The following TRPM2 variants were observed in gnomAD, a reference collection of about 807,000 sequenced individuals.
TRPM2 encodes the protein estrogen-responsive element-associated gene 1 protein.
A neutral mutation model predicts 174.0 loss-of-function variants in TRPM2; 161 were observed. That is an observed-to-expected ratio of 0.93 (90% confidence interval 0.81 to 1.05). The LOEUF (loss-of-function observed/expected upper bound fraction) is 1.05, where lower values mean the gene tolerates loss of function less well. TRPM2 is among the 50% of genes least tolerant of loss of function. The probability of loss-of-function intolerance (pLI) is 0.00; values close to 1 mark genes in which losing one functional copy is unlikely to be tolerated. For missense variants in TRPM2, 2,057 were observed against 2,038.0 expected (o/e 1.01, Z -0.18); for synonymous variants, 954 against 861.3 (o/e 1.11, Z -1.88).
Position 44,435,203 on chromosome 21 carries a change from C to T in TRPM2, c.4047C>T (p.Tyr1349=), listed in dbSNP as rs1472198766. The T allele has an allele frequency of 6.2e-7, 1 of 1,613,192 alleles. No homozygotes were observed. Among genetic ancestry groups the T allele is most frequent in the Non-Finnish European group, 8.5e-7 (1 of 1,179,476 alleles). ...GCTTCGGACCCAACCACACGCTGTA[C>T]CCCATGGTCACGCGGTGAGTTCATG... is the stretch of plus-strand genomic sequence containing the variant. ...LSCFGPNHTL[Y]PMVTRWRRNE... Residue 1349 remains tyrosine (Y), a synonymous_variant, in exon 28 of 32, where the codon TAC becomes TAT. Coordinates refer to ENST00000397928, the MANE Select transcript of TRPM2 (RefSeq NM_003307.4).
In TRPM2 at chr21:44,439,343, C is replaced by A. The variant is rs2051402704; in HGVS notation, c.4269+175C>A. On this transcript the variant is annotated intron_variant, in intron 30 of 31. Coordinates refer to ENST00000397928, the MANE Select transcript of TRPM2 (RefSeq NM_003307.4). This position sits in a 1 kb window ranked among gnomAD's most constrained non-coding sequence, Gnocchi z 5.1. ...CCACGTTGCACAGCTCCCAGAGGAC[C>A]CGGAAGCATAGCTGTGTGCAGGGCC... 6.6e-6 allele frequency among the ~76,000 whole-genome samples: 1 copy of A among 152,148 alleles called. No individual in the cohort carries two copies.
chr21:44,395,082 A>G (rs998453887), intron 11 of TRPM2, among the ~76,000 whole-genome samples: 2 of 152,332 alleles, frequency 1.3e-5, no homozygotes, highest in Admixed American at 6.5e-5. Context: ...CCACTGTGCT[A>G]GAATTTTGCT....
At position 44,391,517 on chromosome 21, in the gene TRPM2, C is replaced by G; in HGVS notation, c.1686C>G (p.Ala562=). ...AAPRLQMHHV[A]QVLRELLGDF... ...CCCGCCTGCAGATGCACCACGTGGC[C>G]CAGGTGCTGCGGGAGCTGCTGGGGG... The change falls in exon 11 of 32, where the codon GCC becomes GCG. Residue 562 remains alanine (A), a synonymous_variant. Coordinates refer to ENST00000397928, the MANE Select transcript of TRPM2 (RefSeq NM_003307.4). This position sits in a 1 kb window ranked among gnomAD's most constrained non-coding sequence, Gnocchi z 5.0. 1 of 1,608,562 alleles carries G rather than the reference C, an allele frequency of 6.2e-7. No individual in the cohort carries two copies. The highest frequency in any genetic ancestry group is 1.1e-5 in the South Asian group (1 of 90,976).
intron 16 of TRPM2, among the ~76,000 whole-genome samples, chr21:44,404,252 C>G (rs1309907338): frequency 6.6e-6 from 1 of 151,908 alleles, no homozygotes; most frequent in Non-Finnish European, 1.5e-5. Context: ...CACAAACATG[C>G]ATACATACAC....
chr21:44,441,052 CG>C, intron 31 of TRPM2, 147 bp downstream of exon 31: 1 of 692,868 alleles, frequency 1.4e-6, no homozygotes, highest in Admixed American at 2.2e-5. Flanking sequence ...AGAGGGAAGG[CG>C]GGGACCGGGG....
intron 25 of TRPM2, among the ~76,000 whole-genome samples, chr21:44,426,114 C>G (rs1025985436): frequency 4.6e-5 from 7 of 151,890 alleles, no homozygotes; most frequent in African/African-American, 1.5e-4. Flanking sequence ...CAGGGCCCAG[C>G]CCCCCGGCCC....
At position 44,397,856 on chromosome 21, in the gene TRPM2, A is replaced by G; in HGVS notation, c.2042A>G (p.Glu681Gly). 1 of 1,607,248 alleles carries G rather than the reference A, an allele frequency of 6.2e-7. No individual in the cohort carries two copies. The highest frequency in any genetic ancestry group is 8.5e-7 in the Non-Finnish European group (1 of 1,177,226). Residue 681 changes from glutamate (E) to glycine (G), a missense_variant, in exon 13 of 32, where the codon GAG becomes GGG. Transcript: ENST00000397928. ...SSEEMLALAE[E>G]YEHRAIGVFT... is the part of the protein sequence containing the mutation. ...GAGGAGATGCTGGCGCTGGCGGAGG[A>G]GTATGAGCACAGAGCCATCGGTGAG... is the stretch of plus-strand genomic sequence containing the variant.
Position 44,369,334 on chromosome 21 carries a change from C to A in TRPM2, c.762C>A (p.Ile254=), listed in dbSNP as rs1407960862. The A allele has an allele frequency of 1.9e-6, 3 of 1,611,594 alleles. No homozygotes were observed. Among genetic ancestry groups the A allele is most frequent in the Admixed American group, 1.7e-5 (1 of 59,858 alleles). The change falls in exon 5 of 32, where the codon ATC becomes ATA. Residue 254 remains isoleucine (I), a synonymous_variant. Coordinates refer to ENST00000397928, the MANE Select transcript of TRPM2 (RefSeq NM_003307.4). ...WGTVHRREGL[I]HPTGSFPAEY... ...CTGTCCACCGCCGCGAGGGCCTGAT[C>A]CATCCCACGGTGAGTGCGGCCCCCT...
At chr21:44,408,419 G>T (rs147306599) in intron 19 of TRPM2, among the ~76,000 whole-genome samples, 1 of 151,802 alleles carries the variant, frequency 6.6e-6, no homozygotes, top group East Asian at 1.9e-4. Flanking sequence ...AGAACCGGCC[G>T]CATTCCACAT....
chr21:44,405,154 C>G lies in TRPM2; in HGVS notation c.2551C>G (p.Pro851Ala). 2 of 1,613,470 alleles carry G rather than the reference C, an allele frequency of 1.2e-6. No homozygotes were observed. Among genetic ancestry groups the G allele is most frequent in the Admixed American group, 3.3e-5 (2 of 59,996 alleles). Residue 851 changes from proline (P) to alanine (A), a missense_variant, in exon 17 of 32, where the codon CCT becomes GCT. Coordinates refer to ENST00000397928, the MANE Select transcript of TRPM2 (RefSeq NM_003307.4). ...CEEMRQLFYD[P>A]DECGLMKKAA... Reference sequence around the variant, plus strand: ...CTCTTCCCAGTAGCTCTTCTATGACCCTGACGAGTGCGGGCTGATGAAGAA... The same window carrying G: ...CTCTTCCCAGTAGCTCTTCTATGACGCTGACGAGTGCGGGCTGATGAAGAA...
Position 44,427,007 on chromosome 21 carries a change from C to A in TRPM2, c.3873-3C>A. On this transcript the variant is annotated splice_region_variant and splice_polypyrimidine_tract_variant and intron_variant, in intron 26 of 31. Coordinates refer to ENST00000397928, the MANE Select transcript of TRPM2 (RefSeq NM_003307.4). Reference sequence around the variant, plus strand: ...ACAGACACGCCTTCTCCTCTGCTCCCAGCACCCTGGAGCCACTGTCCACGA... The same window carrying A: ...ACAGACACGCCTTCTCCTCTGCTCCAAGCACCCTGGAGCCACTGTCCACGA... 6.3e-7 allele frequency: 1 copy of A among 1,591,308 alleles called. No homozygotes were observed. Among genetic ancestry groups the A allele is most frequent in the Non-Finnish European group, 8.5e-7 (1 of 1,170,238 alleles).
intron 20 of TRPM2, 127 bp downstream of exon 20, chr21:44,414,201 A>G: frequency 8.1e-7 from 1 of 1,237,498 alleles, no homozygotes; most frequent in Non-Finnish European, 1.1e-6. Flanking sequence ...GAGGCGCGTC[A>G]CTCATATCCT....
Position 44,440,874 on chromosome 21 carries a change from A to T in TRPM2, c.4355A>T (p.Gln1452Leu). 1.2e-6 allele frequency: 2 copies of T among 1,613,980 alleles called. No homozygotes were observed. The highest frequency in any genetic ancestry group is 1.7e-5 in the Admixed American group (1 of 60,030). Residue 1452 changes from glutamine (Q) to leucine (L), a missense_variant, in exon 31 of 32, where the codon CAG (glutamine) becomes CTG (leucine). Physicochemically the swap from Gln to Leu is moderately radical, Grantham distance 113. Coordinates refer to ENST00000397928, the MANE Select transcript of TRPM2 (RefSeq NM_003307.4). ...TVAVSVHFQDQNDVELNRLNS... is the reference protein window; with the variant it reads ...TVAVSVHFQDLNDVELNRLNS... ...GCCGTCAGCGTCCACTTCCAGGACCAGAATGACGTGGAGCTGAACAGGCTG... is the reference window on the plus strand; with the variant it reads ...GCCGTCAGCGTCCACTTCCAGGACCTGAATGACGTGGAGCTGAACAGGCTG...
In TRPM2 at chr21:44,395,460, A is replaced by G. The variant is rs771659730; in HGVS notation, c.1841A>G (p.His614Arg). 4 of 1,612,828 alleles carry G rather than the reference A, an allele frequency of 2.5e-6. No homozygotes were observed. In the African/African-American group the frequency reaches 4.0e-5, roughly 16 times the overall value. Reference sequence around the variant, plus strand: ...TCCCTCTACAAGCGTTCCTCAGGCCATGTGACCTTCACCATGGACCCCATC... The same window carrying G: ...TCCCTCTACAAGCGTTCCTCAGGCCGTGTGACCTTCACCATGGACCCCATC... ...LRSLYKRSSG[H>R]VTFTMDPIRD... Residue 614 changes from histidine to arginine, a missense_variant, in exon 12 of 32, where the codon CAT becomes CGT. His to Arg is a conservative substitution (Grantham distance 29, BLOSUM62 0). Transcript: ENST00000397928.
At chr21:44,377,852 C>G (rs987042066) in intron 7 of TRPM2, 79 bp downstream of exon 7, 2 of 1,518,266 alleles carry the variant, frequency 1.3e-6, no homozygotes, top group East Asian at 4.5e-5. Flanking sequence ...GTGCTTGTCT[C>G]AGAACTCAAG....
intron 2 of TRPM2, among the ~76,000 whole-genome samples, chr21:44,361,607 T>C (rs1463377677): frequency 6.6e-6 from 1 of 152,176 alleles, no homozygotes; most frequent in Non-Finnish European, 1.5e-5. Context: ...TTAGGGCTTA[T>C]GTCTGCCATT....
intron 7 of TRPM2, among the ~76,000 whole-genome samples, chr21:44,378,538 C>T (rs2048777061): frequency 6.6e-6 from 1 of 152,168 alleles, no homozygotes; most frequent in Non-Finnish European, 1.5e-5. Flanking sequence ...GCCTCCTTAC[C>T]CCAGGCCGAT....
At chr21:44,404,353 C>T (rs1254363448) in intron 16 of TRPM2, among the ~76,000 whole-genome samples, 2 of 148,966 alleles carry the variant, frequency 1.3e-5, no homozygotes, top group Admixed American at 6.8e-5. Flanking sequence ...CAAATACATG[C>T]AGACACATAC....
intron 27 of TRPM2, among the ~76,000 whole-genome samples, chr21:44,427,679 G>C (rs925238058): frequency 4.6e-5 from 7 of 152,168 alleles, no homozygotes; most frequent in Admixed American, 1.3e-4. Flanking sequence ...GGGACTGGGG[G>C]GTTGCCGGGA....
Sources: allele counts gnomAD v4.1 joint callset (sites outside exome capture counted in the v4.1 genomes callset), GRCh38; gene constraint gnomAD v4.1.1; non-coding constraint Gnocchi (gnomAD v3.1); transcripts MANE v1.5; gene names NCBI Gene and HGNC (gene_info 2026-07-23, HGNC 2026-07-21).